SLC12A3: variants seen among roughly 807,000 people sequenced by gnomAD.
SLC12A3 encodes the protein solute carrier family 12 member 3, also known as Na-Cl cotransporter.
SLC12A3 carries 104 observed loss-of-function variants against 121.0 expected under a neutral mutation model. The observed-to-expected ratio is 0.86, with a 90% CI of 0.73 to 1.01. The LOEUF (loss-of-function observed/expected upper bound fraction) is 1.01. SLC12A3 is among the 50% of genes least tolerant of loss of function. The pLI, the probability that SLC12A3 is intolerant of heterozygous loss-of-function variation, is 0.00. For synonymous variants in SLC12A3, 536 were observed against 533.4 expected, an observed-to-expected ratio of 1.00 and a Z score of -0.07; for missense variants, 1,328 against 1,356.3, an observed-to-expected ratio of 0.98 and a Z score of 0.33.
In SLC12A3 at chr16:56,913,401, A is replaced by G. The variant is rs762026283; in HGVS notation, c.3062A>G (p.Gln1021Arg). ...GAAAACGTGCTCACCTTTTACTGCC[A>G]GTAACTCCAGGCTTTGACATCCCTG... is the stretch of plus-strand genomic sequence containing the variant. ...NQENVLTFYC[Q>R] The change falls in exon 26 of 26, where the codon CAG becomes CGG. Residue 1021 changes from glutamine to arginine, a missense_variant. By Grantham distance (43) the Gln-to-Arg change is conservative. Coordinates refer to ENST00000563236, the MANE Select transcript of SLC12A3 (RefSeq NM_001126108.2). 26 of 1,614,104 alleles carry G rather than the reference A, an allele frequency of 1.6e-5. No individual in the cohort carries two copies. Among genetic ancestry groups the G allele is most frequent in the Non-Finnish European group, 2.2e-5 (26 of 1,180,032 alleles).
chr16:56,868,984 A>T (rs1319616393), intron 3 of SLC12A3, among the ~76,000 whole-genome samples: 8 of 109,608 alleles, frequency 7.3e-5, no homozygotes, highest in South Asian at 3.4e-4. Context: ...AAAAAAAATA[A>T]AAAATAAAAA....
intron 25 of SLC12A3, among the ~76,000 whole-genome samples, chr16:56,907,784 T>C (rs930869121): frequency 6.6e-6 from 1 of 152,106 alleles, no homozygotes; most frequent in African/African-American, 2.4e-5. Flanking sequence ...CCTCATCATC[T>C]CCCAAAGGCC....
At chr16:56,886,622 T>TG in intron 16 of SLC12A3, 147 bp downstream of exon 16, 1 of 753,170 alleles carries the variant, frequency 1.3e-6, no homozygotes, top group South Asian at 1.7e-5. Flanking sequence ...GGGAGTCGCC[T>TG]GGGTGTGATG....
At chr16:56,873,708 ATT>A (rs398038206) in intron 8 of SLC12A3, among the ~76,000 whole-genome samples, 1 of 125,412 alleles carries the variant, frequency 8.0e-6, no homozygotes. Context: ...ATTTTATTTT[ATT>A]TTTTTTTTTT....
chr16:56,897,167 C>A (rs1428877623), intron 22 of SLC12A3, among the ~76,000 whole-genome samples: 1 of 151,454 alleles, frequency 6.6e-6, no homozygotes, highest in Non-Finnish European at 1.5e-5. Flanking sequence ...AGGCAGGTGG[C>A]ACACAAGTAT....
intron 2 of SLC12A3, among the ~76,000 whole-genome samples, chr16:56,867,897 T>C (rs1290334458): frequency 1.3e-5 from 2 of 152,236 alleles, no homozygotes; most frequent in Non-Finnish European, 2.9e-5. Context: ...CTCTGATATC[T>C]GCTCTTACAT....
intron 1 of SLC12A3, among the ~76,000 whole-genome samples, chr16:56,866,579 C>T (rs1420287614): frequency 6.6e-6 from 1 of 152,184 alleles, no homozygotes; most frequent in Non-Finnish European, 1.5e-5. Flanking sequence ...GGCTAGGCAA[C>T]TGCCTAATCA....
At chr16:56,880,566 A>T (rs938258153) in intron 12 of SLC12A3, among the ~76,000 whole-genome samples, 2 of 152,132 alleles carry the variant, frequency 1.3e-5, no homozygotes, top group East Asian at 3.9e-4. Context: ...GGCAGCTAGC[A>T]TCCCCCTCCC....
At chr16:56,878,628 A>C (rs1255396430) in intron 9 of SLC12A3, among the ~76,000 whole-genome samples, 1 of 152,074 alleles carries the variant, frequency 6.6e-6, no homozygotes, top group Non-Finnish European at 1.5e-5. Context: ...CAGCCACTGA[A>C]TGGTGGAGCC....
chr16:56,875,864 C>T (rs1206633783), intron 8 of SLC12A3, among the ~76,000 whole-genome samples: 1 of 151,332 alleles, frequency 6.6e-6, no homozygotes, highest in African/African-American at 2.4e-5. Context: ...CCCAGCTCAC[C>T]TCTTCTCTGC....
At chr16:56,869,128 C>T (rs1021200033) in intron 3 of SLC12A3, among the ~76,000 whole-genome samples, 1 of 152,130 alleles carries the variant, frequency 6.6e-6, no homozygotes, top group African/African-American at 2.4e-5. Flanking sequence ...ACAGAACCTA[C>T]CTCATGGAAC....
At chr16:56,882,620 A>G in intron 13 of SLC12A3, 123 bp downstream of exon 13, 1 of 765,718 alleles carries the variant, frequency 1.3e-6, no homozygotes, top group Non-Finnish European at 2.4e-6. Flanking sequence ...TCAATTTAAA[A>G]CCATTGAAAG....
At chr16:56,874,302 G>C (rs1409729728) in intron 8 of SLC12A3, among the ~76,000 whole-genome samples, 8 of 152,222 alleles carry the variant, frequency 5.3e-5, no homozygotes, top group African/African-American at 1.9e-4. Flanking sequence ...AGGGGTTCCA[G>C]CAGAATTTCT....
intron 16 of SLC12A3, among the ~76,000 whole-genome samples, 193 bp downstream of exon 16, chr16:56,886,668 C>T (rs1278468344): frequency 6.6e-6 from 1 of 152,128 alleles, no homozygotes; most frequent in Non-Finnish European, 1.5e-5. Flanking sequence ...GGATGCGGAG[C>T]AAGGGGCACC....
chr16:56,865,527 G>A lies in SLC12A3; in HGVS notation c.282+10G>A. The A allele has an allele frequency of 1.2e-6, 2 of 1,609,824 alleles. No individual in the cohort carries two copies. The highest frequency in any genetic ancestry group is 8.5e-7 in the Non-Finnish European group (1 of 1,179,978). On this transcript the variant is annotated intron_variant, in intron 1 of 25. Coordinates refer to ENST00000563236, the MANE Select transcript of SLC12A3 (RefSeq NM_001126108.2). ...GCACTCCTTCCTCAAGGTAAGTGCTGTCTCAGAAGACTGGCCACTTCCCTG... is the reference window on the plus strand; with the variant it reads ...GCACTCCTTCCTCAAGGTAAGTGCTATCTCAGAAGACTGGCCACTTCCCTG...
intron 21 of SLC12A3, among the ~76,000 whole-genome samples, chr16:56,893,968 T>G (rs2055426100): frequency 1.0e-5 from 1 of 98,080 alleles, no homozygotes; most frequent in South Asian, 3.4e-4. Context: ...ATTTTTATTT[T>G]TATTTTATTT....
chr16:56,866,977 T>C (rs1182493690), intron 1 of SLC12A3, 93 bp from the exon 2 acceptor site: 14 of 1,546,758 alleles, frequency 9.1e-6, no homozygotes, highest in Non-Finnish European at 1.2e-5. Context: ...GGGTGCTCGG[T>C]ATGGGGCGCA....
rs1287321465 is a variant in SLC12A3, at chr16:56,913,774, C to T, written c.*369C>T. 5 of 340,330 alleles carry T rather than the reference C, an allele frequency of 1.5e-5. No homozygotes were observed. The highest frequency in any genetic ancestry group is 4.8e-5 in the South Asian group (2 of 41,544). 21.1% of individuals were successfully genotyped at this position (340,330 alleles called of 1,614,324 possible). A position where few individuals can be genotyped will look rare whatever the true frequency, so the allele number is the denominator to read the frequency against. Reference sequence around the variant, plus strand: ...TGGGCGTGAATCTTGACAGTTTCTACAGACCTTCCTGGGTGAAAGTTCCTA... The same window carrying T: ...TGGGCGTGAATCTTGACAGTTTCTATAGACCTTCCTGGGTGAAAGTTCCTA... On this transcript the variant is annotated 3_prime_UTR_variant, in exon 26 of 26. Coordinates refer to ENST00000563236, the MANE Select transcript of SLC12A3 (RefSeq NM_001126108.2).
chr16:56,870,055 C>T (rs745828841), intron 4 of SLC12A3, 41 bp from the exon 5 acceptor site: 64 of 1,608,450 alleles, frequency 4.0e-5, no homozygotes, highest in South Asian at 1.9e-4. Flanking sequence ...CCCAGCCAAC[C>T]GACTCATCTG....
Sources: gnomAD v4.1 joint callset for allele counts (sites outside exome capture counted in the v4.1 genomes callset) on GRCh38, gnomAD v4.1.1 for gene constraint, MANE v1.5 for transcripts, NCBI Gene and HGNC (gene_info 2026-07-23, HGNC 2026-07-21) for gene names.